Variants in GNL3L observed in about 807,000 individuals in gnomAD.
GNL3L encodes G protein nucleolar 3 like.
GNL3L carries 4 observed loss-of-function variants against 42.9 expected under a neutral mutation model. The observed-to-expected ratio is 0.09, with a 90% CI of 0.05 to 0.21. GNL3L has a LOEUF of 0.21. GNL3L is among the 10% of genes least tolerant of loss of function. The probability of loss-of-function intolerance (pLI) is 1.00; values close to 1 mark genes in which losing one functional copy is unlikely to be tolerated. For synonymous variants in GNL3L, 159 were observed against 176.3 expected (o/e 0.90, Z 0.78); for missense variants, 412 against 481.7 (o/e 0.86, Z 1.36).
chrX:54,571,498 CT>C (rs1161595672), downstream of GNL3L, among the ~76,000 whole-genome samples: 77 of 86,502 alleles, frequency 8.9e-4, no homozygotes, highest in Non-Finnish European at 1.0e-3. Flanking sequence ...TGCGCCCGGC[CT>C]TTTTTTTTTT....
At chrX:54,615,399 C>T (rs756110800) in intron 16 of GNL3L, among the ~76,000 whole-genome samples, 3 of 111,873 alleles carry the variant, frequency 2.7e-5, no homozygotes, top group South Asian at 3.7e-4. Context: ...CATGTATTTG[C>T]GTACTAGTTT....
chrX:54,554,721 C>T lies in GNL3L; in HGVS notation c.1446+29C>T, dbSNP rs1203104976. On this transcript the variant is annotated intron_variant, in intron 14 of 15. Transcript: ENST00000360845. ...CCTGTCATCTTTGTTCATGGCAACC[C>T]TCTTCTCTCCCCAGGGCTCTGGGAA... 7.6e-6 allele frequency: 9 copies of T among 1,181,198 alleles called. No homozygotes were observed. The African/African-American group carries it at 1.4e-4, about 19-fold the overall frequency.
Position 54,567,235 on chromosome X carries a change from A to G in GNL3L, c.*6633A>G, listed in dbSNP as rs749623192. On this transcript the variant is annotated 3_prime_UTR_variant, in exon 16 of 16. Coordinates refer to ENST00000360845, the MANE Select transcript of GNL3L (RefSeq NM_001184819.2). ...TTTTGCAGATTTAACCAGACTTTCT[A>G]CATAGACAATCATATCTTCTGTGAA... 4.5e-5 allele frequency among the ~76,000 whole-genome samples: 5 copies of G among 111,992 alleles called. No individual in the cohort carries two copies. Among genetic ancestry groups the G allele is most frequent in the Non-Finnish European group, 9.4e-5 (5 of 53,216 alleles).
intron 8 of GNL3L, among the ~76,000 whole-genome samples, chrX:54,547,996 G>A (rs182578464): frequency 1.8e-5 from 2 of 111,901 alleles, no homozygotes; most frequent in East Asian, 2.8e-4. Context: ...TGCCACTGCC[G>A]AGGGAGGCAA....
intron 13 of GNL3L, 86 bp from the exon 14 acceptor site, chrX:54,554,479 C>A (rs1368113957): frequency 2.1e-6 from 2 of 963,676 alleles, no homozygotes; most frequent in African/African-American, 3.9e-5. Flanking sequence ...GGGAAGCATC[C>A]ATGTATCCTT....
chrX:54,590,756 GATTTATGT>G (rs1327567154), intron 16 of GNL3L, among the ~76,000 whole-genome samples: 4 of 111,018 alleles, frequency 3.6e-5, no homozygotes, highest in African/African-American at 9.9e-5. Context: ...TGAGGTCTTA[GATTTATGT>G]ATTTATTTAT....
At chrX:54,642,544 A>T in the GNL3L span, among the ~76,000 whole-genome samples, 7 of 110,118 alleles carry the variant, frequency 6.4e-5, no homozygotes, top group South Asian at 7.7e-4. Context: ...TTTAAAAAAA[A>T]ATTTTTTTTC....
Position 54,544,676 on chromosome X carries a change from C to T in GNL3L, c.630+350C>T, listed in dbSNP as rs541780517. Among the ~76,000 whole-genome samples the T allele has an allele frequency of 5.5e-5, 6 of 109,629 alleles. No homozygotes were observed. In the East Asian group the frequency reaches 1.7e-3, roughly 32 times the overall value. On this transcript the variant is annotated intron_variant, in intron 8 of 15. Transcript: ENST00000360845. ...TTATTTTTAGTAGAGATGGGTTTTG[C>T]CATGTTGACCAGGCTGGTCTCGAAC...
chrX:54,643,029 A>G, the GNL3L span, among the ~76,000 whole-genome samples: 1 of 112,112 alleles, frequency 8.9e-6, no homozygotes, highest in African/African-American at 3.2e-5. Context: ...GCATATACAA[A>G]CAAGCATGTA....
In GNL3L at chrX:54,562,793, G is replaced by A. The variant is rs762435768; in HGVS notation, c.*2191G>A. Among the ~76,000 whole-genome samples the A allele has an allele frequency of 9.5e-6, 1 of 105,437 alleles. No homozygotes were observed. The highest frequency in any genetic ancestry group is 4.3e-4 in the South Asian group (1 of 2,319). 91.6% of individuals were successfully genotyped at this position (105,437 alleles called of 115,157 possible). On this transcript the variant is annotated 3_prime_UTR_variant, in exon 16 of 16. Transcript: ENST00000360845. ...GGGGGACAGAGTGAGACTTCGTCTC[G>A]GAAAAAAAAAAAAAAAGTTGACAGG...
At chrX:54,634,069 T>A in the GNL3L span, among the ~76,000 whole-genome samples, 2 of 112,523 alleles carry the variant, frequency 1.8e-5, no homozygotes, top group African/African-American at 6.5e-5. Flanking sequence ...GTTTTAACAG[T>A]TTGACTCTAA....
At chrX:54,572,665 G>A (rs1251949983) in intron 16 of GNL3L, among the ~76,000 whole-genome samples, 9 of 107,971 alleles carry the variant, frequency 8.3e-5, no homozygotes, top group South Asian at 4.1e-4. Flanking sequence ...CCGGATGGGC[G>A]GCTGGCCTGG....
intron 15 of GNL3L, among the ~76,000 whole-genome samples, chrX:54,559,240 C>G (rs780960223): frequency 4.8e-4 from 54 of 111,562 alleles, no homozygotes; most frequent in Non-Finnish European, 8.5e-4. Context: ...CTGGGAGAAC[C>G]ACTGGCCTGC....
intron 14 of GNL3L, among the ~76,000 whole-genome samples, chrX:54,555,557 G>A (rs1451119371): frequency 9.3e-6 from 1 of 107,839 alleles, no homozygotes; most frequent in African/African-American, 3.4e-5. Flanking sequence ...TGCAACCTCC[G>A]CCTCCTGGGT....
the GNL3L span, among the ~76,000 whole-genome samples, chrX:54,635,760 CA>C: frequency 3.8e-5 from 4 of 106,394 alleles, no homozygotes; most frequent in Middle Eastern, 4.3e-3. Context: ...ATCAATCAAA[CA>C]AACAAAAATT....
chrX:54,552,466 T>C, intron 13 of GNL3L, 38 bp downstream of exon 13: 1 of 1,172,959 alleles, frequency 8.5e-7, no homozygotes, highest in East Asian at 3.0e-5. Flanking sequence ...GGTCTTGCAC[T>C]AGTGGGGCCA....
At chrX:54,540,264 GGA>G in intron 4 of GNL3L, 22 bp downstream of exon 4, 1 of 989,341 alleles carries the variant, frequency 1.0e-6, no homozygotes, top group Non-Finnish European at 1.4e-6. Flanking sequence ...GCCTTGGTGG[GGA>G]GAGAGAGGGC....
chrX:54,540,044 G>A, intron 3 of GNL3L, 91 bp from the exon 4 acceptor site: 1 of 544,518 alleles, frequency 1.8e-6, no homozygotes, highest in Non-Finnish European at 3.2e-6. Context: ...ATGAGGGGAT[G>A]TTGTCTTCCT....
intron 5 of GNL3L, among the ~76,000 whole-genome samples, chrX:54,542,560 G>T (rs1443088000): frequency 9.0e-6 from 1 of 111,208 alleles, no homozygotes; most frequent in Admixed American, 9.6e-5. Flanking sequence ...ATAAACATAC[G>T]TGTGCATGTG....
Sources: gnomAD v4.1 joint callset for allele counts (sites outside exome capture counted in the v4.1 genomes callset) on GRCh38, gnomAD v4.1.1 for gene constraint, MANE v1.5 for transcripts, NCBI Gene and HGNC (gene_info 2026-07-23, HGNC 2026-07-21) for gene names.